The following CSMD1 variants were observed in gnomAD, a reference collection of about 807,000 sequenced individuals.
CSMD1 encodes CUB and sushi domain-containing protein 1.
A neutral mutation model predicts 417.5 loss-of-function variants in CSMD1; 213 were observed. The ratio of observed to expected loss-of-function variants is 0.51; its 90% CI spans 0.46 to 0.57. The LOEUF is 0.57. Among genes scored for constraint, CSMD1 ranks in the 20% least tolerant of loss-of-function variants. The pLI, the probability that CSMD1 is intolerant of heterozygous loss-of-function variation, is 0.00. For missense variants in CSMD1, 6,923 were observed against 4,529.7 expected, an observed-to-expected ratio of 1.53 and a Z score of -15.17; for synonymous variants, 2,862 against 1,736.8, an observed-to-expected ratio of 1.65 and a Z score of -16.11.
intron 9 of CSMD1, among the ~76,000 whole-genome samples, chr8:3,577,562 T>A (rs1239812133): frequency 1.3e-5 from 2 of 152,236 alleles, no homozygotes; most frequent in Non-Finnish European, 1.5e-5. Flanking sequence ...TTTGTTCATT[T>A]GTTTAACTTT....
In CSMD1 at chr8:3,727,515, T is replaced by A. The variant is rs566215950; in HGVS notation, c.932-19024A>T. Among the ~76,000 whole-genome samples, 3 of 152,302 alleles carry A rather than the reference T, an allele frequency of 2.0e-5. No homozygotes were observed. In the South Asian group the frequency reaches 6.2e-4, roughly 32 times the overall value. On this transcript the variant is annotated intron_variant, in intron 6 of 69. Coordinates refer to ENST00000635120, the MANE Select transcript of CSMD1 (RefSeq NM_033225.6). ...CTAGAGCTCTCATGCACTGCTGGTGTGAATGTAAAATGAGGCAGCTGTCGT... is the reference window on the plus strand; with the variant it reads ...CTAGAGCTCTCATGCACTGCTGGTGAGAATGTAAAATGAGGCAGCTGTCGT...
At chr8:3,289,021 C>T (rs1384579206) in intron 25 of CSMD1, among the ~76,000 whole-genome samples, 1 of 109,372 alleles carries the variant, frequency 9.1e-6, no homozygotes, top group Non-Finnish European at 1.9e-5. Context: ...GTTCCCCTTC[C>T]TGTGTCCGTG....
At position 4,670,553 on chromosome 8, in the gene CSMD1, G is replaced by T. The variant is rs528789502; in HGVS notation, c.86-32995C>A. The stretch of plus-strand genomic sequence containing the variant: ...GGATACTGTGTCTTATATTCTGATC[G>T]TTACCCTTAATATAAAAATAAAGCA... On this transcript the variant is annotated intron_variant, in intron 1 of 69. Coordinates refer to ENST00000635120, the MANE Select transcript of CSMD1 (RefSeq NM_033225.6). Among the ~76,000 whole-genome samples, 5 of 152,158 alleles carry T rather than the reference G, an allele frequency of 3.3e-5. No individual in the cohort carries two copies. In the East Asian group the frequency reaches 7.7e-4, roughly 24 times the overall value.
intron 3 of CSMD1, among the ~76,000 whole-genome samples, chr8:4,061,099 T>A (rs1162192726): frequency 6.6e-6 from 1 of 152,200 alleles, no homozygotes; most frequent in African/African-American, 2.4e-5. Context: ...TTTGTTGATA[T>A]CTTATGGAGA....
chr8:3,891,329 C>T (rs191633402), intron 5 of CSMD1, among the ~76,000 whole-genome samples: 102 of 152,212 alleles, frequency 6.7e-4, no homozygotes, highest in Non-Finnish European at 1.3e-3. Context: ...GGATTACAGG[C>T]GTGAGCCACC....
At chr8:3,981,500 TAAAAAAA>T (rs200296436) in intron 5 of CSMD1, among the ~76,000 whole-genome samples, 34,465 of 115,722 alleles carry the variant, frequency 0.3, 4,516 homozygotes, top group East Asian at 0.47. Context: ...TAGAAAAAAG[TAAAAAAA>T]AAAAAAAAAA....
intron 3 of CSMD1, among the ~76,000 whole-genome samples, chr8:4,304,514 A>C (rs1187048726): frequency 2.6e-5 from 4 of 152,180 alleles, no homozygotes; most frequent in Non-Finnish European, 5.9e-5. Flanking sequence ...TTACTGTTTC[A>C]GTGTCAGGAC....
intron 2 of CSMD1, among the ~76,000 whole-genome samples, chr8:4,448,920 T>C (rs1168326889): frequency 1.3e-5 from 2 of 152,210 alleles, no homozygotes; most frequent in Non-Finnish European, 2.9e-5. Context: ...ATCTATTAAG[T>C]TCAAAATTTC....
At chr8:3,809,666 C>T (rs1450312387) in intron 5 of CSMD1, among the ~76,000 whole-genome samples, 1 of 152,160 alleles carries the variant, frequency 6.6e-6, no homozygotes, top group Non-Finnish European at 1.5e-5. Flanking sequence ...TCAGGTGATG[C>T]TGATGCTGCT....
At chr8:4,728,439 G>A in intron 1 of CSMD1, among the ~76,000 whole-genome samples, 1 of 152,174 alleles carries the variant, frequency 6.6e-6, no homozygotes, top group East Asian at 1.9e-4. Flanking sequence ...AAGCATTTCA[G>A]TCTTGTTACC....
At chr8:3,745,001 A>T (rs1265014856) in intron 6 of CSMD1, among the ~76,000 whole-genome samples, 2 of 152,132 alleles carry the variant, frequency 1.3e-5, no homozygotes, top group African/African-American at 4.8e-5. Flanking sequence ...TGGGGCTGGG[A>T]GGCTCTTAGG....
At chr8:4,960,441 C>G (rs1489431376) in intron 1 of CSMD1, among the ~76,000 whole-genome samples, 1 of 152,164 alleles carries the variant, frequency 6.6e-6, no homozygotes, top group Non-Finnish European at 1.5e-5. Flanking sequence ...ACTACTTTCA[C>G]CTGGCATGTG....
intron 12 of CSMD1, among the ~76,000 whole-genome samples, chr8:3,439,142 A>AC (rs1814774529): frequency 7.7e-6 from 1 of 130,384 alleles, no homozygotes; most frequent in Non-Finnish European, 1.6e-5. Flanking sequence ...AAAAAAAAAA[A>AC]AAAAAAAAAA....
intron 1 of CSMD1, among the ~76,000 whole-genome samples, chr8:4,905,222 G>A (rs1363752867): frequency 1.3e-5 from 2 of 152,046 alleles, no homozygotes; most frequent in African/African-American, 4.8e-5. Flanking sequence ...TTTTCATACA[G>A]GCATTATCTC....
At chr8:4,760,898 C>A (rs1381426578) in intron 1 of CSMD1, among the ~76,000 whole-genome samples, 1 of 152,112 alleles carries the variant, frequency 6.6e-6, no homozygotes, top group East Asian at 1.9e-4. Context: ...AAGTGTGCAG[C>A]AGAAGTTATG....
At chr8:4,235,615 G>C (rs927579462) in intron 3 of CSMD1, among the ~76,000 whole-genome samples, 1 of 152,032 alleles carries the variant, frequency 6.6e-6, no homozygotes, top group Non-Finnish European at 1.5e-5. Flanking sequence ...TCATGACACT[G>C]GCCTGCTCAA....
chr8:3,536,460 T>A (rs1199324469), intron 10 of CSMD1, among the ~76,000 whole-genome samples: 1 of 152,194 alleles, frequency 6.6e-6, no homozygotes, highest in South Asian at 2.1e-4. Flanking sequence ...TGAGTGAAGT[T>A]GGGCCAGGTT....
intron 20 of CSMD1, among the ~76,000 whole-genome samples, chr8:3,366,226 G>A (rs1268659812): frequency 6.6e-6 from 1 of 152,106 alleles, no homozygotes; most frequent in Non-Finnish European, 1.5e-5. Context: ...GTGCAGCAGG[G>A]CCCTTTCTGT....
At chr8:3,130,996 C>A (rs1563071973) in intron 41 of CSMD1, among the ~76,000 whole-genome samples, 1 of 152,180 alleles carries the variant, frequency 6.6e-6, no homozygotes, top group African/African-American at 2.4e-5. Flanking sequence ...TTAAAATCCG[C>A]GATAGTTTCT....
Sources: gnomAD v4.1 joint callset for allele counts (sites outside exome capture counted in the v4.1 genomes callset) on GRCh38, gnomAD v4.1.1 for gene constraint, MANE v1.5 for transcripts, NCBI Gene and HGNC (gene_info 2026-07-23, HGNC 2026-07-21) for gene names.